CACNA1E: variants seen among roughly 807,000 people sequenced by gnomAD.
The protein encoded by CACNA1E is voltage-dependent R-type calcium channel subunit alpha-1E.
A neutral mutation model predicts 259.2 loss-of-function variants in CACNA1E; 40 were observed. The observed-to-expected ratio is 0.15, with a 90% CI of 0.12 to 0.20. The LOEUF is 0.20. Among genes scored for constraint, CACNA1E ranks in the 10% least tolerant of loss-of-function variants. The pLI is 1.00. For synonymous variants in CACNA1E, 1,104 were observed against 1,138.5 expected, an observed-to-expected ratio of 0.97 and a Z score of 0.61; for missense variants, 1,874 against 3,040.1, an observed-to-expected ratio of 0.62 and a Z score of 9.02.
chr1:181,587,854 G>A (rs1652237338), intron 6 of CACNA1E, among the ~76,000 whole-genome samples: 1 of 152,222 alleles, frequency 6.6e-6, no homozygotes, highest in African/African-American at 2.4e-5. Flanking sequence ...CTGCAGTCCG[G>A]CCTGGGTGAA....
intron 1 of CACNA1E, among the ~76,000 whole-genome samples, chr1:181,375,376 C>A (rs995789352): frequency 2.0e-5 from 3 of 152,188 alleles, no homozygotes; most frequent in African/African-American, 7.2e-5. Flanking sequence ...GTCCCCCCAA[C>A]AGATTCATAT....
chr1:181,433,055 C>T (rs1324987250), intron 2 of CACNA1E, among the ~76,000 whole-genome samples: 2 of 152,192 alleles, frequency 1.3e-5, no homozygotes, highest in African/African-American at 2.4e-5. Context: ...CAGTGTCAGG[C>T]GCTCAGCAGC....
chr1:181,582,007 G>T (rs1651591519), intron 6 of CACNA1E, among the ~76,000 whole-genome samples: 2 of 152,176 alleles, frequency 1.3e-5, no homozygotes, highest in South Asian at 4.1e-4. Flanking sequence ...GAAAGGAAAT[G>T]CTGTGTCTCA....
At chr1:181,520,364 A>C (rs547089278) in intron 3 of CACNA1E, among the ~76,000 whole-genome samples, 1 of 152,322 alleles carries the variant, frequency 6.6e-6, no homozygotes, top group East Asian at 1.9e-4. Context: ...CAAAATACCA[A>C]ATCAGTGAAC....
chr1:181,704,802 G>A lies in CACNA1E; in HGVS notation c.1056-6152G>A, dbSNP rs184576922. 3.1e-3 allele frequency among the ~76,000 whole-genome samples: 468 copies of A among 152,240 alleles called. 1 individual carries two copies. Among genetic ancestry groups the A allele is most frequent in the African/African-American group, 0.01 (427 of 41,528 alleles). The stretch of plus-strand genomic sequence containing the variant: ...AAACAAAGCTCCCTGCATGGAGCCG[G>A]GAGGAGAGGTCTGGAGCGAGAGGCT... On this transcript the variant is annotated intron_variant, in intron 7 of 47. Transcript: ENST00000367573.
intron 15 of CACNA1E, among the ~76,000 whole-genome samples, chr1:181,721,299 T>G (rs1654390621): frequency 6.6e-6 from 1 of 152,220 alleles, no homozygotes; most frequent in African/African-American, 2.4e-5. Flanking sequence ...AATAGTGTCT[T>G]AGGCCTAAAG....
chr1:181,751,141 A>G (rs1657560586), intron 26 of CACNA1E, among the ~76,000 whole-genome samples: 1 of 152,204 alleles, frequency 6.6e-6, no homozygotes, highest in Non-Finnish European at 1.5e-5. Context: ...TCCACTATTT[A>G]GAGTCTTGTT....
intron 3 of CACNA1E, among the ~76,000 whole-genome samples, chr1:181,514,198 T>C (rs1309317858): frequency 6.6e-6 from 1 of 152,232 alleles, no homozygotes; most frequent in Non-Finnish European, 1.5e-5. Flanking sequence ...ACGTTTTTCA[T>C]GCTGGAACAT....
chr1:181,443,667 C>T (rs1420598829), intron 2 of CACNA1E, among the ~76,000 whole-genome samples: 1 of 152,212 alleles, frequency 6.6e-6, no homozygotes, highest in East Asian at 1.9e-4. Context: ...CTGTGTAAGG[C>T]AGGGCTTCTT....
intron 2 of CACNA1E, among the ~76,000 whole-genome samples, chr1:181,438,386 A>G (rs1043130383): frequency 6.6e-6 from 1 of 152,184 alleles, no homozygotes; most frequent in Non-Finnish European, 1.5e-5. Context: ...GGGTAGTACA[A>G]TCCCTAGGTC....
chr1:181,578,956 T>G, intron 4 of CACNA1E, 116 bp from the exon 5 acceptor site: 1 of 801,068 alleles, frequency 1.2e-6, no homozygotes. Flanking sequence ...ATAAATTTAA[T>G]CTATCAGAGG....
chr1:181,479,263 T>C (rs925022872), upstream of CACNA1E, among the ~76,000 whole-genome samples: 3 of 152,124 alleles, frequency 2.0e-5, no homozygotes, highest in Non-Finnish European at 4.4e-5. Flanking sequence ...GGTCAGAGCC[T>C]AGGAATATCT....
At chr1:181,655,618 A>C (rs1659143390) in intron 7 of CACNA1E, among the ~76,000 whole-genome samples, 1 of 152,172 alleles carries the variant, frequency 6.6e-6, no homozygotes, top group South Asian at 2.1e-4. Context: ...GTAATTGAAG[A>C]AAGAGAAGAA....
At chr1:181,470,967 A>G (rs1258182869) in intron 2 of CACNA1E, among the ~76,000 whole-genome samples, 2 of 152,176 alleles carry the variant, frequency 1.3e-5, no homozygotes, top group Non-Finnish European at 2.9e-5. Flanking sequence ...AACAGCATAA[A>G]CTTATTTCTC....
chr1:181,690,976 A>C (rs1406888226), intron 7 of CACNA1E, among the ~76,000 whole-genome samples: 1 of 151,976 alleles, frequency 6.6e-6, no homozygotes, highest in Non-Finnish European at 1.5e-5. Context: ...CCTTTTAGCT[A>C]TCCTGCTTTT....
chr1:181,548,002 T>C (rs969373667), intron 3 of CACNA1E, among the ~76,000 whole-genome samples: 5 of 152,238 alleles, frequency 3.3e-5, no homozygotes, highest in African/African-American at 1.2e-4. Context: ...GAGCCATTAG[T>C]TGTGATGAAG....
At chr1:181,520,875 C>A (rs1178385330) in intron 3 of CACNA1E, among the ~76,000 whole-genome samples, 1 of 152,190 alleles carries the variant, frequency 6.6e-6, no homozygotes, top group African/African-American at 2.4e-5. Context: ...ATCCTCCCCA[C>A]TTCTCACAAA....
At position 181,627,932 on chromosome 1, in the gene CACNA1E, G is replaced by A. The variant is rs550548453; in HGVS notation, c.952-23406G>A. The stretch of plus-strand genomic sequence containing the variant: ...AAAGGGAAGTAATTATTTCTGTATT[G>A]TGAAATTGGCATTTGAGATCATTGG... On this transcript the variant is annotated intron_variant, in intron 6 of 47. Transcript: ENST00000367573. Among the ~76,000 whole-genome samples, 9 of 152,198 alleles carry A rather than the reference G, an allele frequency of 5.9e-5. No homozygotes were observed. In the East Asian group the frequency reaches 1.7e-3, roughly 29 times the overall value.
intron 2 of CACNA1E, among the ~76,000 whole-genome samples, chr1:181,417,829 C>T (rs530650847): frequency 2.0e-4 from 31 of 152,314 alleles, no homozygotes; most frequent in African/African-American, 5.8e-4. Flanking sequence ...CCATCCACTG[C>T]ACTGACCGCC....
Sources: gnomAD v4.1 joint callset for allele counts (sites outside exome capture counted in the v4.1 genomes callset) on GRCh38, gnomAD v4.1.1 for gene constraint, MANE v1.5 for transcripts, NCBI Gene and HGNC (gene_info 2026-07-23, HGNC 2026-07-21) for gene names.